Variants in ABCE1 observed in about 807,000 individuals in gnomAD.
ABCE1 encodes ATP-binding cassette sub-family E member 1.
ABCE1 carries 22 observed loss-of-function variants against 83.4 expected under a neutral mutation model. That is an observed-to-expected ratio of 0.26 (90% CI 0.19 to 0.38). The LOEUF (loss-of-function observed/expected upper bound fraction) is 0.38. Ranked by LOEUF, ABCE1 falls within the 10% of genes least tolerant of loss-of-function variation. ABCE1 has a pLI of 1.00. For missense variants in ABCE1, 330 were observed against 721.9 expected (o/e 0.46, Z 6.22); for synonymous variants, 204 against 233.7 (o/e 0.87, Z 1.16).
chr4:145,119,905 C>T (rs748932032), intron 10 of ABCE1, 27 bp from the exon 11 acceptor site: 1 of 1,565,098 alleles, frequency 6.4e-7, no homozygotes, highest in Non-Finnish European at 8.8e-7. Context: ...AATGATTTCT[C>T]CCGGTTGACA....
rs150446247 is a variant in ABCE1 at position 145,125,913 on chromosome 4, C to T, written c.1752+812C>T. 4.0e-3 allele frequency among the ~76,000 whole-genome samples: 614 copies of T among 151,874 alleles called. 8 individuals are homozygous for T. The highest frequency in any genetic ancestry group is 0.014 in the African/African-American group (567 of 41,416). On this transcript the variant is annotated intron_variant, in intron 17 of 17. Transcript: ENST00000296577. ...AAAATTAGCCAGGCGTGGTGGCATG[C>T]GCCTGTAATCCCAGCTACTCGGGAG...
chr4:145,121,578 T>TA, intron 13 of ABCE1, 187 bp downstream of exon 13: 1 of 537,256 alleles, frequency 1.9e-6, no homozygotes, highest in Non-Finnish European at 3.3e-6. Flanking sequence ...GCTTTAAAGA[T>TA]ATTTGTCATC....
At chr4:145,106,624 C>T (rs1367011159) in intron 3 of ABCE1, among the ~76,000 whole-genome samples, 1 of 151,914 alleles carries the variant, frequency 6.6e-6, no homozygotes, top group Non-Finnish European at 1.5e-5. Flanking sequence ...TGAGGTGGTC[C>T]TCTTTGAGGG....
At chr4:145,122,698 C>T (rs1252961649) in intron 13 of ABCE1, 1 of 178,134 alleles carries the variant, frequency 5.6e-6, no homozygotes, top group Non-Finnish European at 1.2e-5. Context: ...GTAGTTCCAG[C>T]TCCTCTAGAG....
chr4:145,121,445 T>C, intron 13 of ABCE1, 54 bp downstream of exon 13: 1 of 1,295,412 alleles, frequency 7.7e-7, no homozygotes, highest in Non-Finnish European at 1.1e-6. Context: ...TATATGCCTA[T>C]AGCTTTCATC....
chr4:145,120,714 A>T (rs1306217454), intron 11 of ABCE1, among the ~76,000 whole-genome samples: 1 of 152,114 alleles, frequency 6.6e-6, no homozygotes, highest in Non-Finnish European at 1.5e-5. Context: ...AAAACTATAG[A>T]AGATAAATTT....
intron 5 of ABCE1, 45 bp from the exon 6 acceptor site, chr4:145,110,057 TG>T (rs763421923): frequency 2.3e-5 from 34 of 1,461,692 alleles, no homozygotes; most frequent in Non-Finnish European, 3.0e-5. Flanking sequence ...TCTTTGTCAT[TG>T]TATTATTAAA....
At position 145,107,951 on chromosome 4, in the gene ABCE1, A is replaced by C. The variant is rs913201294; in HGVS notation, c.190-64A>C. On this transcript the variant is annotated intron_variant, in intron 3 of 17. Transcript: ENST00000296577. ...TTGCTTATAAAAATATTTTTAATCC[A>C]TTTTAGTTATGTGTATATGTCTACA... The C allele has an allele frequency of 3.3e-6, 4 of 1,225,518 alleles. No individual in the cohort carries two copies. In the East Asian group the frequency reaches 7.7e-5, roughly 24 times the overall value. 75.9% of individuals were successfully genotyped at this position (1,225,518 alleles called of 1,614,324 possible). A position where few individuals can be genotyped will look rare whatever the true frequency, so the allele number is the denominator to read the frequency against.
intron 1 of ABCE1, among the ~76,000 whole-genome samples, chr4:145,103,386 T>C (rs908277408): frequency 1.3e-5 from 2 of 152,180 alleles, no homozygotes; most frequent in Non-Finnish European, 2.9e-5. Flanking sequence ...CTTTTGGAAT[T>C]TTTTACTTTA....
At chr4:145,106,475 G>A (rs1749307941) in intron 3 of ABCE1, among the ~76,000 whole-genome samples, 1 of 151,842 alleles carries the variant, frequency 6.6e-6, no homozygotes, top group African/African-American at 2.4e-5. Context: ...CTAGATACCT[G>A]CCTTTATCCT....
chr4:145,109,359 A>G, intron 5 of ABCE1, 110 bp downstream of exon 5: 2 of 583,302 alleles, frequency 3.4e-6, no homozygotes, highest in Non-Finnish European at 5.6e-6. Context: ...TTATTTATGG[A>G]ATTAATGCTG....
At chr4:145,116,111 A>G (rs1225068779) in intron 9 of ABCE1, among the ~76,000 whole-genome samples, 3 of 151,878 alleles carry the variant, frequency 2.0e-5, no homozygotes, top group Admixed American at 6.6e-5. Flanking sequence ...GCAGGAGACT[A>G]CTTAGAAAAA....
chr4:145,106,604 A>C (rs1749311255), intron 3 of ABCE1, among the ~76,000 whole-genome samples: 1 of 152,100 alleles, frequency 6.6e-6, no homozygotes, highest in South Asian at 2.1e-4. Flanking sequence ...AGTGGCTAAA[A>C]ACATACTAAT....
chr4:145,100,260 A>G (rs1749104840), intron 1 of ABCE1, among the ~76,000 whole-genome samples: 1 of 152,220 alleles, frequency 6.6e-6, no homozygotes, highest in Non-Finnish European at 1.5e-5. Flanking sequence ...AGGCTAAAGC[A>G]AGAGGATCCC....
In ABCE1 at chr4:145,129,442, C is replaced by CA. The variant is rs1210515132; in HGVS notation, c.*1875dup. Among the ~76,000 whole-genome samples the CA allele has an allele frequency of 6.6e-6, 1 of 151,560 alleles. No homozygotes were observed. Among genetic ancestry groups the CA allele is most frequent in the Admixed American group, 6.6e-5 (1 of 15,232 alleles). On this transcript the variant is annotated 3_prime_UTR_variant, in exon 18 of 18. Coordinates refer to ENST00000296577, the MANE Select transcript of ABCE1 (RefSeq NM_002940.3). Reference sequence around the variant, plus strand: ...AAAAAGTCTCAAATACTTAAAAAAACAAAAAACTGGAACAGTTTATTATAC... The same window carrying CA: ...AAAAAGTCTCAAATACTTAAAAAAACAAAAAAACTGGAACAGTTTATTATAC...
In ABCE1 at chr4:145,123,247, A is replaced by C. The variant is rs1051222334; in HGVS notation, c.1407A>C (p.Arg469=). The C allele has an allele frequency of 1.2e-6, 2 of 1,610,516 alleles. No individual in the cohort carries two copies. Among genetic ancestry groups the C allele is most frequent in the Non-Finnish European group, 1.7e-6 (2 of 1,178,514 alleles). The stretch of plus-strand genomic sequence containing the variant: ...CATTATCTGGTGGTGAACTACAGCG[A>C]GTAGCTTTAGCCCTTTGCTTGGGCA... ...VQTLSGGELQ[R]VALALCLGKP... is the part of the protein sequence containing the mutation. Residue 469 remains arginine, a synonymous_variant, in exon 15 of 18, where the codon CGA becomes CGC. Transcript: ENST00000296577.
chr4:145,105,207 C>T (rs1206447304), intron 2 of ABCE1, among the ~76,000 whole-genome samples: 5 of 151,970 alleles, frequency 3.3e-5, no homozygotes, highest in African/African-American at 1.2e-4. Flanking sequence ...ACTGATCTAG[C>T]TACAATAGTT....
At chr4:145,124,285 A>G (rs1749817149) in intron 16 of ABCE1, among the ~76,000 whole-genome samples, 1 of 152,102 alleles carries the variant, frequency 6.6e-6, no homozygotes, top group South Asian at 2.1e-4. Context: ...AGAGCAAGGA[A>G]TGGAGTTGCC....
intron 16 of ABCE1, chr4:145,123,864 TA>T: frequency 4.3e-6 from 1 of 234,046 alleles, no homozygotes; most frequent in East Asian, 8.1e-5. Context: ...TTTCTCAGCT[TA>T]ACTTTTGTTT....
Sources: gnomAD v4.1 joint callset for allele counts (sites outside exome capture counted in the v4.1 genomes callset) on GRCh38, gnomAD v4.1.1 for gene constraint, MANE v1.5 for transcripts, NCBI Gene and HGNC (gene_info 2026-07-23, HGNC 2026-07-21) for gene names.